Variants in VEGFD observed in about 807,000 individuals in gnomAD.
The protein encoded by VEGFD is c-fos induced growth factor (vascular endothelial growth factor D).
A neutral mutation model predicts 28.0 loss-of-function variants in VEGFD; 26 were observed. The ratio of observed to expected loss-of-function variants is 0.93; its 90% confidence interval spans 0.68 to 1.29. The LOEUF (loss-of-function observed/expected upper bound fraction) is 1.29, where lower values mean the gene tolerates loss of function less well. Ranked by LOEUF, VEGFD falls within the 50% of genes most tolerant of loss-of-function variation. VEGFD has a pLI of 0.00. For missense variants in VEGFD, 294 were observed against 273.4 expected (o/e 1.08, Z -0.53); for synonymous variants, 93 against 95.5 (o/e 0.97, Z 0.15).
chrX:15,356,501 T>TA (rs1183582504), intron 3 of VEGFD, among the ~76,000 whole-genome samples: 1 of 112,270 alleles, frequency 8.9e-6, no homozygotes, highest in African/African-American at 3.2e-5. Flanking sequence ...GCAGTCAAAA[T>TA]AAAGTACTCA....
At chrX:15,355,321 CA>C in intron 3 of VEGFD, 23 bp from the exon 4 acceptor site, 1 of 1,126,881 alleles carries the variant, frequency 8.9e-7, no homozygotes, top group Non-Finnish European at 1.2e-6. Flanking sequence ...AAGATAACCA[CA>C]ATATATTTTT....
At chrX:15,381,418 A>C (rs1305488470) in intron 1 of VEGFD, among the ~76,000 whole-genome samples, 2 of 111,030 alleles carry the variant, frequency 1.8e-5, no homozygotes, top group Non-Finnish European at 3.8e-5. Context: ...TCCATTCTGG[A>C]AAAGAGGTGG....
At chrX:15,360,745 TTTAA>T (rs1321249073) in intron 2 of VEGFD, among the ~76,000 whole-genome samples, 1 of 112,679 alleles carries the variant, frequency 8.9e-6, no homozygotes, top group African/African-American at 3.2e-5. Flanking sequence ...ATGGTTATTA[TTTAA>T]TTCACTATAA....
At chrX:15,380,468 C>T (rs909849981) in intron 1 of VEGFD, among the ~76,000 whole-genome samples, 1 of 112,502 alleles carries the variant, frequency 8.9e-6, no homozygotes, top group African/African-American at 3.2e-5. Context: ...CACCAATATT[C>T]TTCTACCAGT....
intron 1 of VEGFD, among the ~76,000 whole-genome samples, chrX:15,368,066 GAAAGAAAGAAAGAAAGA>G (rs746075029): frequency 5.0e-4 from 37 of 74,574 alleles, no homozygotes; most frequent in Non-Finnish European, 9.3e-4. Context: ...AGAAAGGAAA[GAAAGAAAGAAAGAAAGA>G]AAAGAAAGAA....
chrX:15,370,383 T>C (rs1923278213), intron 1 of VEGFD, among the ~76,000 whole-genome samples: 1 of 112,206 alleles, frequency 8.9e-6, no homozygotes, highest in Admixed American at 9.5e-5. Flanking sequence ...CTACATCACT[T>C]GTCTTTTGAA....
chrX:15,359,505 G>A (rs1207884439), intron 2 of VEGFD, among the ~76,000 whole-genome samples: 2 of 107,167 alleles, frequency 1.9e-5, no homozygotes, highest in African/African-American at 3.4e-5. Context: ...TTCAAGCCCC[G>A]CATGCATTAG....
intron 1 of VEGFD, among the ~76,000 whole-genome samples, chrX:15,368,047 AAAG>A (rs1343081118): frequency 3.2e-4 from 32 of 101,439 alleles, no homozygotes; most frequent in African/African-American, 1.1e-3. Context: ...AGAAAGAAAG[AAAG>A]AAGAAAGAAA....
intron 5 of VEGFD, among the ~76,000 whole-genome samples, chrX:15,350,073 T>A (rs1263924278): frequency 8.9e-6 from 1 of 111,814 alleles, no homozygotes; most frequent in Non-Finnish European, 1.9e-5. Flanking sequence ...ATGGGTACTG[T>A]CACTCTCCTG....
At chrX:15,347,063 G>T in intron 6 of VEGFD, 101 bp downstream of exon 6, 1 of 758,987 alleles carries the variant, frequency 1.3e-6, no homozygotes, top group Non-Finnish European at 1.9e-6. Context: ...AGGGACTCAG[G>T]CACCAAGGGG....
chrX:15,359,362 C>CT (rs1171408211), intron 2 of VEGFD, among the ~76,000 whole-genome samples: 2,872 of 62,687 alleles, frequency 0.046, 104 homozygotes, highest in Non-Finnish European at 0.053. Context: ...CACTTGCAGG[C>CT]TTTTTTTTTT....
chrX:15,367,784 G>C (rs1923181102), intron 1 of VEGFD, among the ~76,000 whole-genome samples: 1 of 108,189 alleles, frequency 9.2e-6, no homozygotes. Context: ...GTGAGACCCT[G>C]TCTCTACTAA....
At chrX:15,356,517 CTATTAA>C (rs1255563984) in intron 3 of VEGFD, among the ~76,000 whole-genome samples, 1 of 112,202 alleles carries the variant, frequency 8.9e-6, no homozygotes, top group Non-Finnish European at 1.9e-5. Flanking sequence ...ACTCAACTAT[CTATTAA>C]GTGGAAGCAA....
In VEGFD at chrX:15,346,045, T is replaced by TG; in HGVS notation, c.*87_*88insC. The TG allele has an allele frequency of 9.1e-7, 1 of 1,094,423 alleles. No homozygotes were observed. Among genetic ancestry groups the TG allele is most frequent in the Non-Finnish European group, 1.2e-6 (1 of 811,910 alleles). 90.2% of individuals were successfully genotyped at this position (1,094,423 alleles called of 1,213,427 possible). A position where few individuals can be genotyped will look rare whatever the true frequency, so the allele number is the denominator to read the frequency against. On this transcript the variant is annotated 3_prime_UTR_variant, in exon 7 of 7. Coordinates refer to ENST00000297904, the MANE Select transcript of VEGFD (RefSeq NM_004469.5). ...GTGCTGTGTAAAATGGATTTTTTTT[T>TG]TAACACCTGGGAAAAAAACAGTGAC...
At chrX:15,366,320 C>A (rs1923147950) in intron 1 of VEGFD, among the ~76,000 whole-genome samples, 1 of 111,997 alleles carries the variant, frequency 8.9e-6, no homozygotes, top group Non-Finnish European at 1.9e-5. Context: ...CCTAGTTTGT[C>A]ATTTCAATTT....
At chrX:15,380,583 G>A (rs1000640538) in intron 1 of VEGFD, among the ~76,000 whole-genome samples, 6 of 112,856 alleles carry the variant, frequency 5.3e-5, no homozygotes, top group African/African-American at 1.9e-4. Flanking sequence ...ACTATGGCCT[G>A]GTATTCCTTT....
chrX:15,377,097 A>T (rs1923456640), intron 1 of VEGFD, among the ~76,000 whole-genome samples: 2 of 112,484 alleles, frequency 1.8e-5, no homozygotes, highest in Admixed American at 9.5e-5. Flanking sequence ...GCATAAAATT[A>T]TCCTTCCCAC....
intron 1 of VEGFD, among the ~76,000 whole-genome samples, chrX:15,381,783 A>G (rs1318448152): frequency 1.2e-5 from 1 of 80,128 alleles, no homozygotes. Flanking sequence ...CCTTTCCTTC[A>G]TATCAGAAAT....
chrX:15,348,475 C>A (rs1922609876), intron 5 of VEGFD, among the ~76,000 whole-genome samples: 1 of 112,633 alleles, frequency 8.9e-6, no homozygotes, highest in Non-Finnish European at 1.9e-5. Flanking sequence ...AATTTTCCCA[C>A]CAGGACATAC....
Sources: gnomAD v4.1 joint callset for allele counts (sites outside exome capture counted in the v4.1 genomes callset) on GRCh38, gnomAD v4.1.1 for gene constraint, MANE v1.5 for transcripts, NCBI Gene and HGNC (gene_info 2026-07-23, HGNC 2026-07-21) for gene names.